PRDM16: variants seen among roughly 807,000 people sequenced by gnomAD.
PRDM16 encodes the protein PR/SET domain 16, also known as histone-lysine N-methyltransferase PRDM16.
In PRDM16, 23 loss-of-function variants were observed where a neutral mutation model predicts 110.6. The ratio of observed to expected loss-of-function variants is 0.21; its 90% confidence interval spans 0.15 to 0.29. The LOEUF is 0.29. Ranked by LOEUF, PRDM16 falls within the 10% of genes least tolerant of loss-of-function variation. The pLI, the probability that PRDM16 is intolerant of heterozygous loss-of-function variation, is 1.00. For missense variants in PRDM16, 1,615 were observed against 1,794.3 expected, an observed-to-expected ratio of 0.90 and a Z score of 1.81; for synonymous variants, 799 against 781.8, an observed-to-expected ratio of 1.02 and a Z score of -0.37.
intron 1 of PRDM16, among the ~76,000 whole-genome samples, chr1:3,123,062 T>C (rs1385205366): frequency 6.6e-6 from 1 of 152,200 alleles, no homozygotes. Flanking sequence ...AAGTCAGTGT[T>C]CTTCGGTGTA....
At chr1:3,412,870 C>A in intron 9 of PRDM16, 70 bp downstream of exon 9, 1 of 1,252,864 alleles carries the variant, frequency 8.0e-7, no homozygotes, top group Non-Finnish European at 1.1e-6. Flanking sequence ...GGGCTCAGTG[C>A]ATGGTGGTGT....
intron 9 of PRDM16, among the ~76,000 whole-genome samples, chr1:3,413,143 C>A (rs1643722529): frequency 6.6e-6 from 1 of 151,074 alleles, no homozygotes. Flanking sequence ...CCACCCCAAC[C>A]CACACCCTTC....
chr1:3,149,907 G>A (rs1643745007), intron 1 of PRDM16, among the ~76,000 whole-genome samples: 1 of 152,192 alleles, frequency 6.6e-6, no homozygotes, highest in Non-Finnish European at 1.5e-5. Flanking sequence ...TTTTGAAGCT[G>A]CCTAGTTCCT....
chr1:3,429,766 AG>A (rs1424835445), intron 14 of PRDM16, among the ~76,000 whole-genome samples: 1 of 152,260 alleles, frequency 6.6e-6, no homozygotes, highest in East Asian at 1.9e-4. Context: ...CCTGGAAGGC[AG>A]AAAGACAAGA....
intron 1 of PRDM16, among the ~76,000 whole-genome samples, chr1:3,123,596 G>A (rs1557464600): frequency 6.6e-6 from 1 of 152,264 alleles, no homozygotes; most frequent in Non-Finnish European, 1.5e-5. Context: ...CAGTGCAGCA[G>A]GTGCTGCTGG....
intron 1 of PRDM16, among the ~76,000 whole-genome samples, chr1:3,172,866 C>A (rs995757283): frequency 5.9e-5 from 9 of 152,158 alleles, no homozygotes; most frequent in African/African-American, 2.2e-4. Flanking sequence ...GTGGTGGTGA[C>A]TGAAGGCAGC....
chr1:3,344,213 T>C (rs918837441), intron 3 of PRDM16, among the ~76,000 whole-genome samples: 5 of 152,046 alleles, frequency 3.3e-5, no homozygotes, highest in African/African-American at 9.7e-5. Flanking sequence ...TGGTGCACCG[T>C]CATAGTCCTA....
chr1:3,403,563 C>A (rs796942646), intron 6 of PRDM16, among the ~76,000 whole-genome samples: 1 of 152,222 alleles, frequency 6.6e-6, no homozygotes, highest in African/African-American at 2.4e-5. Flanking sequence ...AGCGGACTGT[C>A]CCAGGAGGGG....
At chr1:3,105,832 A>C (rs1642639548) in intron 1 of PRDM16, among the ~76,000 whole-genome samples, 1 of 152,196 alleles carries the variant, frequency 6.6e-6, no homozygotes, top group African/African-American at 2.4e-5. Context: ...CGCCCCAGAC[A>C]GGACAGGAAA....
At chr1:3,354,074 C>G (rs1409194264) in intron 3 of PRDM16, among the ~76,000 whole-genome samples, 1 of 152,196 alleles carries the variant, frequency 6.6e-6, no homozygotes, top group Non-Finnish European at 1.5e-5. Context: ...CCGTGAATTC[C>G]AGAGAGAAAC....
intron 1 of PRDM16, among the ~76,000 whole-genome samples, chr1:3,181,239 C>CGCACGCAGTCTT (rs1644167129): frequency 1.4e-5 from 1 of 72,680 alleles, no homozygotes; most frequent in Non-Finnish European, 3.9e-5. Flanking sequence ...CACGGTCTTA[C>CGCACGCAGTCTT]ACACAGTCTT....
In PRDM16 at chr1:3,185,828, C is replaced by T. The variant is rs528563980; in HGVS notation, c.38-297C>T. Reference sequence around the variant, plus strand: ...GACCACCCGGCGCATCCTCAGGTGGCTGTGGGAGCCAGGGTGGGTGAGCCA... The same window carrying T: ...GACCACCCGGCGCATCCTCAGGTGGTTGTGGGAGCCAGGGTGGGTGAGCCA... On this transcript the variant is annotated intron_variant, in intron 1 of 16. Transcript: ENST00000270722. Among the ~76,000 whole-genome samples, 4 of 152,356 alleles carry T rather than the reference C, an allele frequency of 2.6e-5. No individual in the cohort carries two copies. The South Asian group carries it at 8.3e-4, about 32-fold the overall frequency.
rs1452161018 is a variant in PRDM16 at position 3,080,308 on chromosome 1, C to T, written c.37+11012C>T. On this transcript the variant is annotated intron_variant, in intron 1 of 16. Transcript: ENST00000270722. This position sits in a 1 kb window ranked among gnomAD's most constrained non-coding sequence, Gnocchi z 5.2. ...TCTGAATGGGGTATTCAGTTCCCAGCCCAGGCTGAGCGTACAGCGAGTGAC... is the reference window on the plus strand; with the variant it reads ...TCTGAATGGGGTATTCAGTTCCCAGTCCAGGCTGAGCGTACAGCGAGTGAC... Among the ~76,000 whole-genome samples the T allele has an allele frequency of 2.6e-5, 4 of 152,328 alleles. No individual in the cohort carries two copies. The highest frequency in any genetic ancestry group is 7.2e-5 in the African/African-American group (3 of 41,576).
intron 3 of PRDM16, among the ~76,000 whole-genome samples, chr1:3,368,252 C>T (rs566916829): frequency 1.3e-5 from 2 of 152,344 alleles, no homozygotes; most frequent in Admixed American, 6.5e-5. Context: ...TTCCTCGTGG[C>T]GGACTTCCCA....
At chr1:3,291,699 G>A (rs1223350332) in intron 3 of PRDM16, among the ~76,000 whole-genome samples, 2 of 152,258 alleles carry the variant, frequency 1.3e-5, no homozygotes, top group Non-Finnish European at 2.9e-5. Flanking sequence ...GGCAGCTCTT[G>A]GCAGTGCGGG....
chr1:3,306,520 T>C (rs1641316303), intron 3 of PRDM16: 3 of 152,246 alleles, frequency 2.0e-5, no homozygotes, highest in Admixed American at 2.0e-4. Flanking sequence ...GACTTTTGTC[T>C]TATAGATGGA....
At chr1:3,327,683 G>A (rs943129241) in intron 3 of PRDM16, among the ~76,000 whole-genome samples, 3 of 151,492 alleles carry the variant, frequency 2.0e-5, no homozygotes, top group South Asian at 2.1e-4. Flanking sequence ...GGATGATGGC[G>A]TGCGGGTACT....
intron 1 of PRDM16, among the ~76,000 whole-genome samples, chr1:3,119,850 C>T (rs1569605906): frequency 6.6e-6 from 1 of 152,368 alleles, no homozygotes; most frequent in East Asian, 1.9e-4. Flanking sequence ...GCAGCTGACA[C>T]AGCCCATCTG....
chr1:3,430,357 T>C (rs1397969461), intron 14 of PRDM16, among the ~76,000 whole-genome samples: 1 of 152,196 alleles, frequency 6.6e-6, no homozygotes. Context: ...CTTGTCCTGG[T>C]GCATTCAGAC....
Sources: gnomAD v4.1 joint callset for allele counts (sites outside exome capture counted in the v4.1 genomes callset) on GRCh38, gnomAD v4.1.1 for gene constraint, Gnocchi (gnomAD v3.1) non-coding constraint, MANE v1.5 for transcripts, NCBI Gene and HGNC (gene_info 2026-07-23, HGNC 2026-07-21) for gene names.